The following COL28A1 variants were observed in gnomAD, a reference collection of about 807,000 sequenced individuals.
The protein encoded by COL28A1 is collagen type XXVIII alpha 1 chain.
COL28A1 carries 161 observed loss-of-function variants against 150.2 expected under a neutral mutation model. The ratio of observed to expected loss-of-function variants is 1.07; its 90% CI spans 0.94 to 1.22. The LOEUF (loss-of-function observed/expected upper bound fraction) is 1.22. Ranked by LOEUF, COL28A1 falls within the 50% of genes most tolerant of loss-of-function variation. The pLI is 0.00. For missense variants in COL28A1, 1,617 were observed against 1,388.3 expected, an observed-to-expected ratio of 1.16 and a Z score of -2.62; for synonymous variants, 552 against 469.7, an observed-to-expected ratio of 1.18 and a Z score of -2.26.
At chr7:7,422,708 C>T (rs1338579551) in intron 25 of COL28A1, among the ~76,000 whole-genome samples, 1 of 152,058 alleles carries the variant, frequency 6.6e-6, no homozygotes, top group Non-Finnish European at 1.5e-5. Context: ...ATACACCACC[C>T]TACCTATCAA....
intron 8 of COL28A1, among the ~76,000 whole-genome samples, chr7:7,515,329 C>T (rs1781360454): frequency 6.6e-6 from 1 of 152,096 alleles, no homozygotes; most frequent in South Asian, 2.1e-4. Flanking sequence ...GCTTGTTTGC[C>T]AAATTTACTC....
Position 7,521,975 on chromosome 7 carries a change from G to A in COL28A1, c.703-14C>T, listed in dbSNP as rs1781751614. 4.2e-6 allele frequency: 4 copies of A among 961,220 alleles called. No homozygotes were observed. Among genetic ancestry groups the A allele is most frequent in the Non-Finnish European group, 6.9e-6 (4 of 582,740 alleles). 59.5% of individuals were successfully genotyped at this position (961,220 alleles called of 1,614,324 possible). On this transcript the variant is annotated splice_polypyrimidine_tract_variant and intron_variant, in intron 4 of 34. Transcript: ENST00000399429. ...CTTGCGTTCACACTGAATCAATAAT[G>A]AAATATGATATTAACACACAGTGAA...
chr7:7,542,595 A>T, the COL28A1 span, among the ~76,000 whole-genome samples: 1 of 152,224 alleles, frequency 6.6e-6, no homozygotes, highest in Admixed American at 6.5e-5. Context: ...AGACTGTGAT[A>T]TGGAAGTTGG....
chr7:7,355,072 T>C (rs529571715), downstream of COL28A1, among the ~76,000 whole-genome samples: 67 of 152,212 alleles, frequency 4.4e-4, 1 homozygote, highest in Middle Eastern at 3.4e-3. Context: ...GATGGGTAAA[T>C]TGGACTGCAT....
At chr7:7,349,539 T>A in the COL28A1 span, among the ~76,000 whole-genome samples, 1 of 152,130 alleles carries the variant, frequency 6.6e-6, no homozygotes, top group African/African-American at 2.4e-5. Context: ...TCCTTCAGAA[T>A]TCTAGCTGCC....
intron 27 of COL28A1, among the ~76,000 whole-genome samples, chr7:7,415,367 G>A (rs1310968927): frequency 6.6e-6 from 1 of 152,158 alleles, no homozygotes; most frequent in Admixed American, 6.5e-5. Context: ...CACCAATTTG[G>A]TTTTTCAGTT....
chr7:7,407,041 C>T (rs577414281), intron 27 of COL28A1, among the ~76,000 whole-genome samples: 41 of 151,866 alleles, frequency 2.7e-4, no homozygotes, highest in South Asian at 1.2e-3. Flanking sequence ...AAACTAAAAA[C>T]TCAATGGACT....
chr7:7,517,146 T>C (rs977621063), intron 7 of COL28A1, among the ~76,000 whole-genome samples: 3 of 152,166 alleles, frequency 2.0e-5, no homozygotes, highest in Admixed American at 6.5e-5. Flanking sequence ...GATTTTTTAA[T>C]GAAGTTGATT....
intron 9 of COL28A1, among the ~76,000 whole-genome samples, chr7:7,508,008 G>A (rs2115128203): frequency 6.6e-6 from 1 of 152,206 alleles, no homozygotes; most frequent in Non-Finnish European, 1.5e-5. Flanking sequence ...CGAGGCGGGC[G>A]GATCACGAGG....
chr7:7,339,281 ACTT>A, the COL28A1 span, among the ~76,000 whole-genome samples: 1 of 152,026 alleles, frequency 6.6e-6, no homozygotes, highest in South Asian at 2.1e-4. Context: ...TGGTCTCTTC[ACTT>A]CTTTACTTCC....
intron 25 of COL28A1, among the ~76,000 whole-genome samples, chr7:7,427,781 T>C (rs1784728631): frequency 1.3e-5 from 2 of 152,218 alleles, no homozygotes; most frequent in Admixed American, 6.5e-5. Context: ...CTTTAATGTT[T>C]ATATAATTTA....
In COL28A1 at chr7:7,531,744, G is replaced by T. The variant is rs751888408; in HGVS notation, c.285C>A (p.Ala95=). ...TTTGGACAGAGCTGCTAAACTGAAG[G>T]GCTGCCAGTTTGATGTCATATTCCA... ...RSLEYDIKLA[A]LQFSSSVQID... is the part of the protein sequence containing the mutation. The change falls in exon 3 of 35, where the codon GCC becomes GCA. Residue 95 remains alanine (A), a synonymous_variant. Transcript: ENST00000399429. The T allele has an allele frequency of 1.1e-5, 18 of 1,610,022 alleles. No homozygotes were observed. The highest frequency in any genetic ancestry group is 1.4e-5 in the Non-Finnish European group (17 of 1,176,258).
chr7:7,517,764 T>G, intron 7 of COL28A1, 32 bp downstream of exon 7: 1 of 1,612,946 alleles, frequency 6.2e-7, no homozygotes, highest in Non-Finnish European at 8.5e-7. Flanking sequence ...TAGGATCACT[T>G]TCTTAGGAAG....
chr7:7,456,648 C>G (rs1252183398), intron 15 of COL28A1, among the ~76,000 whole-genome samples: 1 of 152,122 alleles, frequency 6.6e-6, no homozygotes, highest in South Asian at 2.1e-4. Context: ...AAGTTACCAG[C>G]AAGAAGAACA....
chr7:7,538,606 T>C (rs1583599630), upstream of COL28A1, among the ~76,000 whole-genome samples: 2 of 152,310 alleles, frequency 1.3e-5, no homozygotes, highest in East Asian at 3.9e-4. Context: ...TTATTGATTC[T>C]AGTACCAGTG....
chr7:7,361,493 T>G (rs532319507), intron 33 of COL28A1, among the ~76,000 whole-genome samples: 63 of 152,316 alleles, frequency 4.1e-4, no homozygotes, highest in Non-Finnish European at 7.5e-4. Context: ...CCACATCCTC[T>G]CCAGCATCTA....
chr7:7,518,921 T>C (rs780267354), intron 6 of COL28A1, among the ~76,000 whole-genome samples: 3 of 152,206 alleles, frequency 2.0e-5, no homozygotes, highest in Non-Finnish European at 4.4e-5. Flanking sequence ...TCTTTACTAG[T>C]TTTGTTTCCT....
downstream of COL28A1, among the ~76,000 whole-genome samples, chr7:7,351,800 T>C (rs908441267): frequency 6.6e-6 from 1 of 152,006 alleles, no homozygotes; most frequent in African/African-American, 2.4e-5. Context: ...CTTGGGGCTA[T>C]AAACCAAAAA....
intron 13 of COL28A1, among the ~76,000 whole-genome samples, chr7:7,481,945 G>A (rs1779349304): frequency 1.3e-5 from 2 of 151,872 alleles, no homozygotes; most frequent in South Asian, 4.2e-4. Flanking sequence ...CACCCTGACA[G>A]TCTTAACCAA....
Sources: gnomAD v4.1 joint callset for allele counts (sites outside exome capture counted in the v4.1 genomes callset) on GRCh38, gnomAD v4.1.1 for gene constraint, MANE v1.5 for transcripts, NCBI Gene and HGNC (gene_info 2026-07-23, HGNC 2026-07-21) for gene names.